Variants in CSMD1 observed in about 807,000 individuals in gnomAD.
The protein encoded by CSMD1 is CUB and sushi domain-containing protein 1.
CSMD1 carries 213 observed loss-of-function variants against 417.5 expected under a neutral mutation model. The ratio of observed to expected loss-of-function variants is 0.51; its 90% confidence interval spans 0.46 to 0.57. CSMD1 has a LOEUF of 0.57. Ranked by LOEUF, CSMD1 falls within the 20% of genes least tolerant of loss-of-function variation. CSMD1 has a pLI of 0.00. For missense variants in CSMD1, 6,923 were observed against 4,529.7 expected (o/e 1.53, Z -15.17); for synonymous variants, 2,862 against 1,736.8 (o/e 1.65, Z -16.11).
chr8:3,675,865 T>G (rs867178375), intron 7 of CSMD1, among the ~76,000 whole-genome samples: 1 of 152,210 alleles, frequency 6.6e-6, no homozygotes, highest in Non-Finnish European at 1.5e-5. Context: ...TTTTCTAGAC[T>G]AACGCTACTT....
chr8:3,317,808 G>C (rs1298306914), intron 23 of CSMD1, among the ~76,000 whole-genome samples: 1 of 152,130 alleles, frequency 6.6e-6, no homozygotes, highest in Admixed American at 6.5e-5. Context: ...CTGTATAAGT[G>C]AACTTTTAAT....
At chr8:3,922,013 T>C (rs1582765) in intron 5 of CSMD1, among the ~76,000 whole-genome samples, 35,852 of 152,060 alleles carry the variant, frequency 0.24, 5,256 homozygotes, top group African/African-American at 0.4. Context: ...TATATTGTTT[T>C]CTATTTTCCC....
Position 3,613,869 on chromosome 8 carries a change from G to C in CSMD1, c.1097+2841C>G, listed in dbSNP as rs539325220. ...ACCTAAGCTCAGGAATAAAGGCAGA[G>C]ATGTCTCACCATTTCTACTCAATCT... On this transcript the variant is annotated intron_variant, in intron 8 of 69. Coordinates refer to ENST00000635120, the MANE Select transcript of CSMD1 (RefSeq NM_033225.6). 3.9e-5 allele frequency among the ~76,000 whole-genome samples: 6 copies of C among 152,060 alleles called. No individual in the cohort carries two copies. In the East Asian group the frequency reaches 1.2e-3, roughly 29 times the overall value.
At chr8:4,773,509 C>A (rs1055789276) in intron 1 of CSMD1, among the ~76,000 whole-genome samples, 3 of 152,156 alleles carry the variant, frequency 2.0e-5, no homozygotes, top group African/African-American at 4.8e-5. Flanking sequence ...TCTCAGATTG[C>A]TTCCTCAACC....
Position 4,244,713 on chromosome 8 carries a change from C to G in CSMD1, c.415+175240G>C, listed in dbSNP as rs914304895. Among the ~76,000 whole-genome samples the G allele has an allele frequency of 2.0e-5, 3 of 152,184 alleles. No individual in the cohort carries two copies. In the South Asian group the frequency reaches 6.2e-4, roughly 32 times the overall value. On this transcript the variant is annotated intron_variant, in intron 3 of 69. Coordinates refer to ENST00000635120, the MANE Select transcript of CSMD1 (RefSeq NM_033225.6). ...ACATCATTCCTCTATGTCTAGAAAA[C>G]TCAGTTACCTCAATGGAATAATTTT...
At position 3,841,698 on chromosome 8, in the gene CSMD1, TTATAATA is replaced by T. The variant is rs565449949; in HGVS notation, c.819-87663_819-87657del. On this transcript the variant is annotated intron_variant, in intron 5 of 69. Transcript: ENST00000635120. ...TGATTCTAATTTTAGAACCTAGTGA[TTATAATA>T]TATAATATCAAAACTACAATAGTTC... Among the ~76,000 whole-genome samples the T allele has an allele frequency of 2.4e-3, 366 of 152,218 alleles. 1 individual carries two copies. The highest frequency in any genetic ancestry group is 8.2e-3 in the African/African-American group (339 of 41,548).
At chr8:4,906,835 G>A (rs918393157) in intron 1 of CSMD1, among the ~76,000 whole-genome samples, 7 of 152,184 alleles carry the variant, frequency 4.6e-5, no homozygotes, top group African/African-American at 1.7e-4. Flanking sequence ...TGAGATTACA[G>A]GCGTGAGCCG....
At chr8:4,403,262 C>T (rs1804773422) in intron 3 of CSMD1, among the ~76,000 whole-genome samples, 1 of 152,318 alleles carries the variant, frequency 6.6e-6, no homozygotes, top group Middle Eastern at 3.4e-3. Flanking sequence ...AAAGGCAAAA[C>T]AGTCAACAAT....
chr8:3,433,339 T>A (rs2117029133), intron 12 of CSMD1, among the ~76,000 whole-genome samples: 1 of 152,330 alleles, frequency 6.6e-6, no homozygotes, highest in East Asian at 1.9e-4. Context: ...GCCTGACTGT[T>A]TTTCTGCAAA....
chr8:3,479,018 C>G (rs998162012), intron 11 of CSMD1, among the ~76,000 whole-genome samples: 14 of 152,128 alleles, frequency 9.2e-5, no homozygotes, highest in Admixed American at 2.6e-4. Context: ...CAAGCCCACC[C>G]AACCCCATGC....
At chr8:3,189,615 T>G (rs1173757160) in intron 34 of CSMD1, among the ~76,000 whole-genome samples, 3 of 152,196 alleles carry the variant, frequency 2.0e-5, no homozygotes, top group Non-Finnish European at 4.4e-5. Flanking sequence ...AACATGATAA[T>G]GGTTTTTTCC....
chr8:3,282,497 C>T (rs2117225438), intron 26 of CSMD1, among the ~76,000 whole-genome samples: 1 of 152,234 alleles, frequency 6.6e-6, no homozygotes, highest in African/African-American at 2.4e-5. Context: ...CACAATTCTA[C>T]CATCTGCTCT....
chr8:3,837,654 A>T (rs1413680751), intron 5 of CSMD1, among the ~76,000 whole-genome samples: 4 of 152,194 alleles, frequency 2.6e-5, no homozygotes, highest in Non-Finnish European at 5.9e-5. Flanking sequence ...AGAAAATCCC[A>T]TCCTACATAG....
At chr8:3,769,992 C>T (rs1004061795) in intron 5 of CSMD1, among the ~76,000 whole-genome samples, 17 of 152,172 alleles carry the variant, frequency 1.1e-4, no homozygotes, top group African/African-American at 3.9e-4. Context: ...ATACAGTGAC[C>T]TGCCTTTTTC....
chr8:3,529,085 A>G (rs1235865337), intron 10 of CSMD1, among the ~76,000 whole-genome samples: 2 of 152,326 alleles, frequency 1.3e-5, no homozygotes, highest in East Asian at 3.9e-4. Context: ...TTTCAACAGA[A>G]TATACCGACT....
intron 29 of CSMD1, among the ~76,000 whole-genome samples, chr8:3,217,494 A>G (rs975954876): frequency 6.6e-5 from 10 of 152,120 alleles, no homozygotes; most frequent in African/African-American, 2.4e-4. Context: ...TCTCACAATT[A>G]TATGAGGAAT....
intron 12 of CSMD1, among the ~76,000 whole-genome samples, chr8:3,412,080 A>T (rs957962863): frequency 4.5e-5 from 1 of 22,428 alleles, no homozygotes; most frequent in Non-Finnish European, 8.6e-5. Context: ...ACATATATAC[A>T]TATATATACA....
intron 2 of CSMD1, among the ~76,000 whole-genome samples, chr8:4,539,692 A>G (rs983717189): frequency 1.3e-5 from 2 of 152,222 alleles, no homozygotes; most frequent in Non-Finnish European, 2.9e-5. Context: ...ATAGTAGGGG[A>G]AAATATCCTA....
Position 3,230,114 on chromosome 8 carries a change from T to C in CSMD1, c.4271A>G (p.Gln1424Arg), listed in dbSNP as rs903663684. The change falls in exon 27 of 70, where the codon CAA (glutamine) becomes CGA (arginine). Residue 1424 changes from glutamine (Q) to arginine (R), a missense_variant. Coordinates refer to ENST00000635120, the MANE Select transcript of CSMD1 (RefSeq NM_033225.6). ...TFQCDPGYQL[Q>R]GQAKITCVQL... ...CACACAGGTGATTTTGGCTTGTCCT[T>C]GGAGCTGATAGCCAGGGTCACACTG... is the stretch of plus-strand genomic sequence containing the variant. 2 of 1,613,704 alleles carry C rather than the reference T, an allele frequency of 1.2e-6. No homozygotes were observed. Among genetic ancestry groups the C allele is most frequent in the African/African-American group, 2.7e-5 (2 of 74,940 alleles).
Sources: allele counts gnomAD v4.1 joint callset (sites outside exome capture counted in the v4.1 genomes callset), GRCh38; gene constraint gnomAD v4.1.1; transcripts MANE v1.5; gene names NCBI Gene and HGNC (gene_info 2026-07-23, HGNC 2026-07-21).